Variants in VPS13C observed in about 807,000 individuals in gnomAD.
VPS13C encodes vacuolar protein sorting 13 homolog C.
Under a neutral mutation model 456.8 loss-of-function variants are expected in VPS13C, and 358 were observed. The ratio of observed to expected loss-of-function variants is 0.78; its 90% CI spans 0.72 to 0.86. The LOEUF (loss-of-function observed/expected upper bound fraction) is 0.86. VPS13C is among the 40% of genes least tolerant of loss of function. VPS13C has a pLI of 0.00. For missense variants in VPS13C, 4,818 were observed against 4,385.4 expected, an observed-to-expected ratio of 1.10 and a Z score of -2.79; for synonymous variants, 1,578 against 1,486.7, an observed-to-expected ratio of 1.06 and a Z score of -1.41.
At position 61,991,110 on chromosome 15, in the gene VPS13C, A is replaced by G. The variant is rs1315426422; in HGVS notation, c.1484-16T>C. 6.5e-7 allele frequency: 1 copy of G among 1,535,128 alleles called. No individual in the cohort carries two copies. Among genetic ancestry groups the G allele is most frequent in the Non-Finnish European group, 8.9e-7 (1 of 1,127,144 alleles). On this transcript the variant is annotated splice_polypyrimidine_tract_variant and intron_variant, in intron 17 of 84. Coordinates refer to ENST00000644861, the MANE Select transcript of VPS13C (RefSeq NM_020821.3). ...TCATCAATAGCTATGAAAAAACAACATTTTAAGAAATTAATTGCTTCCATT... is the reference window on the plus strand; with the variant it reads ...TCATCAATAGCTATGAAAAAACAACGTTTTAAGAAATTAATTGCTTCCATT...
intron 24 of VPS13C, among the ~76,000 whole-genome samples, chr15:61,976,036 T>C (rs751436792): frequency 1.3e-5 from 2 of 152,100 alleles, no homozygotes; most frequent in Non-Finnish European, 2.9e-5. Flanking sequence ...AAGGTAATTT[T>C]ATACAAAATT....
chr15:61,884,237 T>C lies in VPS13C; in HGVS notation c.9374A>G (p.Gln3125Arg). 1 of 1,611,264 alleles carries C rather than the reference T, an allele frequency of 6.2e-7. No individual in the cohort carries two copies. Among genetic ancestry groups the C allele is most frequent in the Non-Finnish European group, 8.5e-7 (1 of 1,179,016 alleles). ...CTTTTGACTAAATGGCTTCCATTTC[T>C]GCTTTGGTTTCACCTCCCAAACAAC... ...SGVVWEVKPK[Q>R]KWKPFSQKQI... is the part of the protein sequence containing the mutation. The change falls in exon 68 of 85, where the codon CAG (glutamine) becomes CGG (arginine). Residue 3125 changes from glutamine (Q) to arginine (R), a missense_variant. Gln to Arg is a conservative substitution (Grantham distance 43, BLOSUM62 1). This residue lies in a region of VPS13C where 4,552 missense variants were observed against 4,130.6 expected (regional missense o/e 1.10). Coordinates refer to ENST00000644861, the MANE Select transcript of VPS13C (RefSeq NM_020821.3).
intron 9 of VPS13C, among the ~76,000 whole-genome samples, chr15:62,015,126 T>G (rs977333465): frequency 6.6e-6 from 1 of 152,194 alleles, no homozygotes; most frequent in African/African-American, 2.4e-5. Flanking sequence ...GTTACTCTGC[T>G]CCCTTATGAC....
chr15:62,020,265 T>G (rs1432193004), intron 9 of VPS13C, among the ~76,000 whole-genome samples: 1 of 151,996 alleles, frequency 6.6e-6, no homozygotes, highest in Non-Finnish European at 1.5e-5. Flanking sequence ...ATAATGATAT[T>G]TTGATACCTG....
chr15:61,874,905 C>G lies in VPS13C; in HGVS notation c.10385G>C (p.Gly3462Ala). ...PEEFAEGLVI[G>A]VRSLFGHTVG... is the part of the protein sequence containing the mutation. Reference sequence around the variant, plus strand: ...TGTGTGTCCAAAGAGGCTTCTCACTCCAATCACTAACCCCTCTGCAAATTC... The same window carrying G: ...TGTGTGTCCAAAGAGGCTTCTCACTGCAATCACTAACCCCTCTGCAAATTC... The change falls in exon 77 of 85, where the codon GGA (glycine) becomes GCA (alanine). Residue 3462 changes from glycine to alanine, a missense_variant. Physicochemically the swap from Gly to Ala is moderately conservative, Grantham distance 60. This residue lies in a region of VPS13C where 4,552 missense variants were observed against 4,130.6 expected (regional missense o/e 1.10). Coordinates refer to ENST00000644861, the MANE Select transcript of VPS13C (RefSeq NM_020821.3). 6.3e-7 allele frequency: 1 copy of G among 1,594,248 alleles called. No individual in the cohort carries two copies. The highest frequency in any genetic ancestry group is 8.5e-7 in the Non-Finnish European group (1 of 1,171,412).
chr15:61,854,776 A>C, intron 84 of VPS13C, 95 bp downstream of exon 84: 1 of 1,198,722 alleles, frequency 8.3e-7, no homozygotes, highest in Non-Finnish European at 1.2e-6. Context: ...TATATTTGGG[A>C]GAGCTTTGGG....
At chr15:62,033,623 T>C (rs1326364702) in intron 4 of VPS13C, 81 bp from the exon 5 acceptor site, 9 of 953,708 alleles carry the variant, frequency 9.4e-6, no homozygotes, top group East Asian at 5.6e-5. Context: ...CTCATTAGGA[T>C]TGTGTAAGTG....
intron 67 of VPS13C, among the ~76,000 whole-genome samples, chr15:61,885,978 T>C (rs1896236237): frequency 6.6e-6 from 1 of 152,170 alleles, no homozygotes; most frequent in Non-Finnish European, 1.5e-5. Flanking sequence ...ATCATTTGCC[T>C]TGTTTTTGTA....
intron 27 of VPS13C, among the ~76,000 whole-genome samples, chr15:61,970,037 T>A (rs1192282475): frequency 6.6e-6 from 1 of 152,134 alleles, no homozygotes; most frequent in African/African-American, 2.4e-5. Flanking sequence ...GGACTTCCGG[T>A]GTCATAAAAG....
In VPS13C at chr15:61,854,911, C is replaced by T. The variant is rs1164421750; in HGVS notation, c.11120G>A (p.Cys3707Tyr). ...GTCCTTCAGGTAAACTTTTCGAACACAGCCTTGATTGGCACTGTCTTTTTT... is the reference window on the plus strand; with the variant it reads ...GTCCTTCAGGTAAACTTTTCGAACATAGCCTTGATTGGCACTGTCTTTTTT... ...FHKKDSANQG[C>Y]VRKVYLKDTA... Residue 3707 changes from cysteine to tyrosine, a missense_variant, in exon 84 of 85, where the codon TGT becomes TAT. Physicochemically the swap from Cys to Tyr is radical, Grantham distance 194 (BLOSUM62 -2). This residue lies in a region of VPS13C where 261 missense variants were observed against 234.1 expected (regional missense o/e 1.11). Coordinates refer to ENST00000644861, the MANE Select transcript of VPS13C (RefSeq NM_020821.3). 2 of 1,613,418 alleles carry T rather than the reference C, an allele frequency of 1.2e-6. No homozygotes were observed. Among genetic ancestry groups the T allele is most frequent in the Admixed American group, 3.3e-5 (2 of 59,870 alleles).
At chr15:61,972,216 G>A (rs536290471) in intron 27 of VPS13C, among the ~76,000 whole-genome samples, 6 of 152,172 alleles carry the variant, frequency 3.9e-5, no homozygotes, top group African/African-American at 1.2e-4. Flanking sequence ...GGCTGTAAAC[G>A]TATGTTGGAA....
At chr15:61,870,460 A>C (rs187930197) in intron 79 of VPS13C, among the ~76,000 whole-genome samples, 17 of 152,308 alleles carry the variant, frequency 1.1e-4, no homozygotes, top group African/African-American at 4.1e-4. Context: ...GTACCAGTAC[A>C]TGATTCCTTT....
At chr15:62,052,652 G>A (rs1490879806) in intron 1 of VPS13C, among the ~76,000 whole-genome samples, 1 of 115,428 alleles carries the variant, frequency 8.7e-6, no homozygotes, top group African/African-American at 3.6e-5. Context: ...CAGCCTGGGC[G>A]ACAAAGCAAG....
chr15:62,023,994 T>A (rs993942913), intron 6 of VPS13C, 149 bp from the exon 7 acceptor site: 6 of 507,704 alleles, frequency 1.2e-5, no homozygotes, highest in African/African-American at 7.7e-5. Context: ...TACTTCAATA[T>A]AAAGACAAAT....
Position 61,852,922 on chromosome 15 carries a change from C to G in VPS13C, c.*1535G>C, listed in dbSNP as rs931628644. ...AAAACATGAATGATGATGACAGAAC[C>G]ACTATCACACATAAACAAAAATAGA... On this transcript the variant is annotated 3_prime_UTR_variant, in exon 85 of 85. Coordinates refer to ENST00000644861, the MANE Select transcript of VPS13C (RefSeq NM_020821.3). 1 of 152,054 alleles carries G rather than the reference C, an allele frequency of 6.6e-6. No homozygotes were observed. Among genetic ancestry groups the G allele is most frequent in the African/African-American group, 2.4e-5 (1 of 41,398 alleles). 9.4% of individuals were successfully genotyped at this position (152,054 alleles called of 1,614,324 possible). A position where few individuals can be genotyped will look rare whatever the true frequency, so the allele number is the denominator to read the frequency against.
chr15:61,900,536 G>A (rs1290118082), intron 66 of VPS13C, among the ~76,000 whole-genome samples: 1 of 151,926 alleles, frequency 6.6e-6, no homozygotes, highest in East Asian at 1.9e-4. Flanking sequence ...AAAATACCTA[G>A]GAATCCAACT....
intron 50 of VPS13C, among the ~76,000 whole-genome samples, chr15:61,930,631 C>T (rs2044023675): frequency 6.6e-6 from 1 of 152,132 alleles, no homozygotes; most frequent in Non-Finnish European, 1.5e-5. Flanking sequence ...CTTTCAAAAA[C>T]GGCTTGATGA....
chr15:62,054,693 C>A (rs1424087064), intron 1 of VPS13C, among the ~76,000 whole-genome samples: 1 of 150,986 alleles, frequency 6.6e-6, no homozygotes. Context: ...ATGTAACAAA[C>A]CTGCACATTC....
chr15:62,032,039 T>C lies in VPS13C; in HGVS notation c.385+1402A>G, dbSNP rs535246105. On this transcript the variant is annotated intron_variant, in intron 5 of 84. Transcript: ENST00000644861. ...TTAAGATTTGTTTCTAAATAATATA[T>C]GTAACTTATTATGTAATTGTAAATG... Among the ~76,000 whole-genome samples, 32 of 152,000 alleles carry C rather than the reference T, an allele frequency of 2.1e-4. 1 individual carries two copies. The East Asian group carries it at 4.8e-3, about 23-fold the overall frequency.
Sources: allele counts gnomAD v4.1 joint callset (sites outside exome capture counted in the v4.1 genomes callset), GRCh38; gene constraint gnomAD v4.1.1; regional missense constraint gnomAD v4.1.1; transcripts MANE v1.5; gene names NCBI Gene and HGNC (gene_info 2026-07-23, HGNC 2026-07-21).